The following GLT1D1 variants were observed in gnomAD, a reference collection of about 807,000 sequenced individuals.
The protein encoded by GLT1D1 is glycosyltransferase 1 domain-containing protein 1.
In GLT1D1, 21 loss-of-function variants were observed where a neutral mutation model predicts 28.7. The observed-to-expected ratio is 0.73, with a 90% CI of 0.52 to 1.05. The LOEUF (loss-of-function observed/expected upper bound fraction) is 1.05. Among genes scored for constraint, GLT1D1 ranks in the 50% least tolerant of loss-of-function variants. The probability of loss-of-function intolerance (pLI) is 0.00; values close to 1 mark genes in which losing one functional copy is unlikely to be tolerated. For synonymous variants in GLT1D1, 147 were observed against 124.8 expected (o/e 1.18, Z -1.19); for missense variants, 343 against 330.6 (o/e 1.04, Z -0.29).
chr12:128,960,451 T>C (rs1332644566), intron 7 of GLT1D1, among the ~76,000 whole-genome samples: 1 of 152,194 alleles, frequency 6.6e-6, no homozygotes, highest in Non-Finnish European at 1.5e-5. Flanking sequence ...GTTGCCAGTG[T>C]TGGCAAGATT....
In GLT1D1 at chr12:128,939,840, C is replaced by G. The variant is rs76403133; in HGVS notation, c.376-5486C>G. On this transcript the variant is annotated intron_variant, in intron 4 of 7. Coordinates refer to ENST00000281703, the MANE Select transcript of GLT1D1 (RefSeq NM_144669.3). The stretch of plus-strand genomic sequence containing the variant: ...GGATGTTGCCAAATTGTTAGAAACC[C>G]CCCCCCACCGCCGATCCAATCACCT... 2.2e-3 allele frequency among the ~76,000 whole-genome samples: 314 copies of G among 142,612 alleles called. 24 individuals carry two copies. The East Asian group carries it at 0.045, about 20-fold the overall frequency. 93.6% of individuals were successfully genotyped at this position (142,612 alleles called of 152,430 possible).
intron 7 of GLT1D1, among the ~76,000 whole-genome samples, chr12:128,972,373 T>G (rs1460550892): frequency 6.6e-6 from 1 of 152,204 alleles, no homozygotes; most frequent in Non-Finnish European, 1.5e-5. Context: ...TATGTGTGAC[T>G]TGGGCTGGAG....
intron 7 of GLT1D1, among the ~76,000 whole-genome samples, chr12:128,960,967 A>G (rs1372914168): frequency 6.6e-6 from 1 of 152,214 alleles, no homozygotes; most frequent in Non-Finnish European, 1.5e-5. Flanking sequence ...ATGTAAAGAA[A>G]CCCGATATAA....
At chr12:128,971,197 C>A (rs779423647) in intron 7 of GLT1D1, among the ~76,000 whole-genome samples, 2 of 152,166 alleles carry the variant, frequency 1.3e-5, no homozygotes, top group Non-Finnish European at 2.9e-5. Context: ...CTGAGTGCCA[C>A]GCGGCAAAAC....
At chr12:128,905,620 G>C (rs1055583127) in intron 4 of GLT1D1, among the ~76,000 whole-genome samples, 1 of 152,116 alleles carries the variant, frequency 6.6e-6, no homozygotes, top group Admixed American at 6.6e-5. Context: ...AAATGCCTTT[G>C]TTTATGCTCA....
chr12:128,969,089 C>A (rs186767286), intron 7 of GLT1D1, among the ~76,000 whole-genome samples: 1 of 151,922 alleles, frequency 6.6e-6, no homozygotes, highest in Admixed American at 6.6e-5. Flanking sequence ...TAGCCCTCGT[C>A]CTCCTCTCTG....
intron 1 of GLT1D1, among the ~76,000 whole-genome samples, chr12:128,871,987 T>C (rs1406192749): frequency 6.6e-6 from 1 of 152,218 alleles, no homozygotes; most frequent in African/African-American, 2.4e-5. Context: ...AGTCTCGCTC[T>C]GTCGCCCAGG....
chr12:128,927,018 G>A (rs1873292801), intron 4 of GLT1D1, 87 bp from the exon 8 acceptor site: 2 of 804,244 alleles, frequency 2.5e-6, no homozygotes, highest in Non-Finnish European at 4.0e-6. Context: ...TTATGTTATT[G>A]AGAAATTTAT....
chr12:128,934,483 T>C (rs868145559), intron 4 of GLT1D1, among the ~76,000 whole-genome samples: 30 of 152,290 alleles, frequency 2.0e-4, no homozygotes, highest in African/African-American at 6.7e-4. Flanking sequence ...CGTGAGCCAC[T>C]GCGCCCGGCC....
chr12:128,914,523 A>G (rs1260912912), intron 4 of GLT1D1, among the ~76,000 whole-genome samples: 1 of 152,120 alleles, frequency 6.6e-6, no homozygotes, highest in East Asian at 1.9e-4. Context: ...TGTTATTTAA[A>G]CTTCAACACA....
chr12:128,927,760 A>G (rs1873380642), intron 4 of GLT1D1, among the ~76,000 whole-genome samples: 1 of 151,634 alleles, frequency 6.6e-6, no homozygotes, highest in Admixed American at 6.6e-5. Flanking sequence ...CAACTTCGGG[A>G]GGCTGAGGCG....
At chr12:128,935,340 G>A (rs1008955365) in intron 4 of GLT1D1, among the ~76,000 whole-genome samples, 6 of 152,154 alleles carry the variant, frequency 3.9e-5, no homozygotes, top group African/African-American at 1.2e-4. Flanking sequence ...TCAGGTGTTC[G>A]AGACCAGGCT....
At chr12:128,881,566 A>G (rs1487652802) in intron 2 of GLT1D1, among the ~76,000 whole-genome samples, 1 of 64,488 alleles carries the variant, frequency 1.6e-5, no homozygotes, top group African/African-American at 7.7e-5. Flanking sequence ...AAAAAAATAT[A>G]TATATATATA....
intron 2 of GLT1D1, among the ~76,000 whole-genome samples, chr12:128,885,424 T>C (rs989440477): frequency 2.0e-5 from 3 of 152,200 alleles, no homozygotes; most frequent in Non-Finnish European, 1.5e-5. Context: ...GGTTTCACCA[T>C]GTTAGCCAGG....
In GLT1D1 at chr12:128,977,779, CTTTTTTT is replaced by C. The variant is rs1163954822; in HGVS notation, c.640-5140_640-5134del. Among the ~76,000 whole-genome samples the C allele has an allele frequency of 1.0e-3, 24 of 23,004 alleles. No individual in the cohort carries two copies. The South Asian group carries it at 0.058, about 55-fold the overall frequency. The allele number at this position is 23,004 out of a possible 152,430, so 15.1% of individuals were successfully genotyped here. ...TGAGTTCTTTTCTTTTTTCTTTTTTCTTTTTTTTTTTTTTTTGAAACAGAGTTTCACT... is the reference window on the plus strand; with the variant it reads ...TGAGTTCTTTTCTTTTTTCTTTTTTCTTTTTTTTTGAAACAGAGTTTCACT... On this transcript the variant is annotated intron_variant, in intron 7 of 7. Coordinates refer to ENST00000281703, the MANE Select transcript of GLT1D1 (RefSeq NM_144669.3).
chr12:128,926,536 T>G, intron 4 of GLT1D1, 82 bp downstream of exon 7: 46 of 681,310 alleles, frequency 6.8e-5, no homozygotes, highest in Non-Finnish European at 1.1e-4. Flanking sequence ...TTCAGGGCCC[T>G]GAGTTTTCTT....
intron 3 of GLT1D1, among the ~76,000 whole-genome samples, chr12:128,897,102 T>A (rs1264766429): frequency 2.0e-5 from 3 of 152,240 alleles, no homozygotes; most frequent in Non-Finnish European, 2.9e-5. Flanking sequence ...CAATCTTATA[T>A]GTGATGCAAT....
At chr12:128,931,769 C>T (rs578059627) in intron 4 of GLT1D1, among the ~76,000 whole-genome samples, 26 of 152,302 alleles carry the variant, frequency 1.7e-4, no homozygotes, top group African/African-American at 5.8e-4. Context: ...GCAGGAGAAG[C>T]CACAAGTCCA....
chr12:128,920,289 G>C (rs977311972), intron 4 of GLT1D1, among the ~76,000 whole-genome samples: 1 of 152,288 alleles, frequency 6.6e-6, no homozygotes, highest in East Asian at 1.9e-4. Context: ...GCTCACGCCT[G>C]TAATCCCAGC....
Sources: allele counts gnomAD v4.1 joint callset (sites outside exome capture counted in the v4.1 genomes callset), GRCh38; gene constraint gnomAD v4.1.1; transcripts MANE v1.5; gene names NCBI Gene and HGNC (gene_info 2026-07-23, HGNC 2026-07-21).